NKAIN3: variants seen among roughly 807,000 people sequenced by gnomAD.
NKAIN3 encodes sodium/potassium transporting ATPase interacting 3, also known as sodium/potassium-transporting ATPase subunit beta-1-interacting protein 3.
In NKAIN3, 25 loss-of-function variants were observed where a neutral mutation model predicts 30.2. That is an observed-to-expected ratio of 0.83 (90% CI 0.60 to 1.16). The LOEUF is 1.16. NKAIN3 is among the 50% of genes most tolerant of loss of function. The probability of loss-of-function intolerance (pLI) is 0.00; values close to 1 mark genes in which losing one functional copy is unlikely to be tolerated. For missense variants in NKAIN3, 225 were observed against 254.1 expected (o/e 0.89, Z 0.78); for synonymous variants, 91 against 89.6 (o/e 1.02, Z -0.09).
At chr8:62,415,532 A>G (rs1261590336) in intron 1 of NKAIN3, among the ~76,000 whole-genome samples, 1 of 150,316 alleles carries the variant, frequency 6.7e-6, no homozygotes, top group Non-Finnish European at 1.5e-5. Flanking sequence ...AAAAGCTAAT[A>G]TTAACTGCAT....
chr8:62,656,707 T>C (rs1029280444), intron 3 of NKAIN3, among the ~76,000 whole-genome samples: 13 of 152,172 alleles, frequency 8.5e-5, no homozygotes, highest in African/African-American at 3.1e-4. Flanking sequence ...AAATGTCTAG[T>C]CACAACCACT....
At position 62,552,803 on chromosome 8, in the gene NKAIN3, A is replaced by G. The variant is rs1264400430; in HGVS notation, c.55-26736A>G. ...CTGTGTGTGGTGTGCCCTAATGTGC[A>G]ACAACACAATCACTAGAAGGTGATT... On this transcript the variant is annotated intron_variant, in intron 1 of 6. Transcript: ENST00000623646. Among the ~76,000 whole-genome samples the G allele has an allele frequency of 6.6e-5, 10 of 152,214 alleles. No individual in the cohort carries two copies. The South Asian group carries it at 1.9e-3, about 28-fold the overall frequency.
At chr8:62,389,438 A>T (rs1174308518) in intron 1 of NKAIN3, among the ~76,000 whole-genome samples, 1 of 152,132 alleles carries the variant, frequency 6.6e-6, no homozygotes, top group African/African-American at 2.4e-5. Context: ...CCAAAGTAGG[A>T]AATGAAAAGA....
chr8:62,569,011 AC>A (rs983942400), intron 1 of NKAIN3, among the ~76,000 whole-genome samples: 5 of 152,182 alleles, frequency 3.3e-5, no homozygotes, highest in African/African-American at 7.2e-5. Context: ...CAGGGATGGT[AC>A]TAAAAACCAA....
At chr8:62,335,723 A>C (rs1375714277) in intron 1 of NKAIN3, among the ~76,000 whole-genome samples, 3 of 152,004 alleles carry the variant, frequency 2.0e-5, no homozygotes, top group Admixed American at 1.3e-4. Flanking sequence ...CTAGATCCTT[A>C]ACTAGGCTCT....
intron 1 of NKAIN3, among the ~76,000 whole-genome samples, chr8:62,259,632 G>C (rs766128153): frequency 1.3e-5 from 2 of 152,132 alleles, no homozygotes; most frequent in Non-Finnish European, 2.9e-5. Flanking sequence ...AAATAAAATG[G>C]AAGGTAGGCT....
chr8:62,591,609 T>C (rs1271367245), intron 3 of NKAIN3, among the ~76,000 whole-genome samples: 2 of 152,014 alleles, frequency 1.3e-5, no homozygotes, highest in African/African-American at 2.4e-5. Flanking sequence ...TCTCATTTCT[T>C]TGGGGACAAG....
At chr8:62,991,641 T>C (rs1824323035) in intron 5 of NKAIN3, among the ~76,000 whole-genome samples, 1 of 152,180 alleles carries the variant, frequency 6.6e-6, no homozygotes, top group Non-Finnish European at 1.5e-5. Context: ...TTCAGAGTGT[T>C]TTTCTGAAAA....
intron 4 of NKAIN3, among the ~76,000 whole-genome samples, chr8:62,910,859 C>T (rs1821906316): frequency 6.6e-6 from 1 of 151,836 alleles, no homozygotes. Flanking sequence ...ATCAGCATGA[C>T]TGAGTTTGTT....
At chr8:62,709,488 G>A (rs563459464) in intron 3 of NKAIN3, among the ~76,000 whole-genome samples, 6 of 152,106 alleles carry the variant, frequency 3.9e-5, no homozygotes, top group East Asian at 3.9e-4. Context: ...TCTCGTCTAC[G>A]TTTTCTAGTT....
At chr8:62,702,200 A>G (rs1000291320) in intron 3 of NKAIN3, among the ~76,000 whole-genome samples, 1 of 152,186 alleles carries the variant, frequency 6.6e-6, no homozygotes, top group Non-Finnish European at 1.5e-5. Flanking sequence ...CAATTCTTCT[A>G]CAGTGGCATA....
chr8:62,455,935 CTAT>C (rs1391483262), intron 1 of NKAIN3, among the ~76,000 whole-genome samples: 1 of 152,110 alleles, frequency 6.6e-6, no homozygotes, highest in African/African-American at 2.4e-5. Context: ...CCTGTGTATA[CTAT>C]GTTTTTCCTG....
chr8:62,793,498 C>CT (rs1007611193), intron 4 of NKAIN3, among the ~76,000 whole-genome samples: 4 of 151,900 alleles, frequency 2.6e-5, no homozygotes, highest in African/African-American at 4.8e-5. Flanking sequence ...TTCAGCTAAT[C>CT]TTTTTTTTAC....
At chr8:62,527,968 A>G (rs1207667055) in intron 1 of NKAIN3, among the ~76,000 whole-genome samples, 1 of 151,436 alleles carries the variant, frequency 6.6e-6, no homozygotes, top group East Asian at 1.9e-4. Context: ...AAAGAGAGAT[A>G]GAGATTTTGT....
At chr8:62,497,853 G>A (rs1357090812) in intron 1 of NKAIN3, among the ~76,000 whole-genome samples, 2 of 152,052 alleles carry the variant, frequency 1.3e-5, no homozygotes, top group African/African-American at 4.8e-5. Flanking sequence ...AGCATTGCCA[G>A]GTTGGGTTTA....
intron 3 of NKAIN3, among the ~76,000 whole-genome samples, chr8:62,689,865 G>A (rs1264133606): frequency 6.6e-6 from 1 of 151,848 alleles, no homozygotes; most frequent in Non-Finnish European, 1.5e-5. Context: ...CGAGCCCTGA[G>A]AAAAATTACA....
chr8:62,515,347 GTGA>G (rs1258967013), intron 1 of NKAIN3, among the ~76,000 whole-genome samples: 7 of 152,046 alleles, frequency 4.6e-5, no homozygotes, highest in African/African-American at 1.4e-4. Context: ...TAATGTATTT[GTGA>G]TGCCTACTTG....
chr8:62,472,843 A>G (rs1279587196), intron 1 of NKAIN3, among the ~76,000 whole-genome samples: 1 of 152,220 alleles, frequency 6.6e-6, no homozygotes, highest in African/African-American at 2.4e-5. Flanking sequence ...CTAAGCACCA[A>G]GAATGCTCAT....
chr8:62,252,233 A>T (rs1466405391), intron 1 of NKAIN3, among the ~76,000 whole-genome samples: 1 of 152,082 alleles, frequency 6.6e-6, no homozygotes, highest in East Asian at 1.9e-4. Flanking sequence ...TTGAAAGGGG[A>T]TGGCGTTGGG....
Sources: gnomAD v4.1 joint callset for allele counts (sites outside exome capture counted in the v4.1 genomes callset) on GRCh38, gnomAD v4.1.1 for gene constraint, MANE v1.5 for transcripts, NCBI Gene and HGNC (gene_info 2026-07-23, HGNC 2026-07-21) for gene names.